Variants in KCNIP4 observed in about 807,000 individuals in gnomAD.
KCNIP4 encodes potassium voltage-gated channel interacting protein 4, also known as Kv channel-interacting protein 4.
A neutral mutation model predicts 34.0 loss-of-function variants in KCNIP4; 12 were observed. That is an observed-to-expected ratio of 0.35 (90% CI 0.23 to 0.57). The LOEUF (loss-of-function observed/expected upper bound fraction) is 0.57. Among genes scored for constraint, KCNIP4 ranks in the 20% least tolerant of loss-of-function variants. The pLI, the probability that KCNIP4 is intolerant of heterozygous loss-of-function variation, is 0.83. For missense variants in KCNIP4, 238 were observed against 311.7 expected (o/e 0.76, Z 1.78); for synonymous variants, 124 against 102.2 (o/e 1.21, Z -1.29).
chr4:21,411,373 G>A (rs1264879956), intron 1 of KCNIP4, among the ~76,000 whole-genome samples: 2 of 152,112 alleles, frequency 1.3e-5, no homozygotes, highest in African/African-American at 4.8e-5. Context: ...TGAAACCCTG[G>A]AATCAATAAT....
chr4:21,489,883 A>G (rs1173730200), intron 1 of KCNIP4, among the ~76,000 whole-genome samples: 2 of 152,274 alleles, frequency 1.3e-5, no homozygotes, highest in African/African-American at 4.8e-5. Flanking sequence ...GAAAAAAAAT[A>G]TGATATCCCA....
chr4:21,879,725 T>C (rs1020656434), intron 1 of KCNIP4, among the ~76,000 whole-genome samples: 6 of 152,176 alleles, frequency 3.9e-5, no homozygotes, highest in African/African-American at 1.4e-4. Context: ...TATTTTTATA[T>C]AATTTGAATA....
intron 1 of KCNIP4, among the ~76,000 whole-genome samples, chr4:21,592,220 T>C (rs1560543095): frequency 6.6e-6 from 1 of 152,080 alleles, no homozygotes; most frequent in Non-Finnish European, 1.5e-5. Context: ...TTTTGTGAAA[T>C]CCTCAGAATG....
At chr4:21,324,560 G>C (rs866673555) in intron 1 of KCNIP4, among the ~76,000 whole-genome samples, 1 of 151,990 alleles carries the variant, frequency 6.6e-6, no homozygotes, top group East Asian at 1.9e-4. Context: ...GTTGAGTGTA[G>C]ATGTAAGAAT....
At chr4:21,456,926 G>A (rs568791964) in intron 1 of KCNIP4, among the ~76,000 whole-genome samples, 7 of 152,050 alleles carry the variant, frequency 4.6e-5, no homozygotes, top group Admixed American at 1.3e-4. Flanking sequence ...TTCACCGCCG[G>A]GTCACCCTGG....
chr4:20,861,653 T>C (rs577464335), intron 2 of KCNIP4, among the ~76,000 whole-genome samples: 4 of 152,258 alleles, frequency 2.6e-5, no homozygotes, highest in South Asian at 2.1e-4. Context: ...TCTTGGAAAA[T>C]GGCCATTTAG....
At chr4:21,545,194 AG>A (rs2109006006) in intron 1 of KCNIP4, among the ~76,000 whole-genome samples, 1 of 152,248 alleles carries the variant, frequency 6.6e-6, no homozygotes, top group South Asian at 2.1e-4. Flanking sequence ...TGACAATGTC[AG>A]GAAGTTACCC....
chr4:21,785,147 C>T (rs1477988186), intron 1 of KCNIP4, among the ~76,000 whole-genome samples: 3 of 152,024 alleles, frequency 2.0e-5, no homozygotes, highest in Non-Finnish European at 4.4e-5. Flanking sequence ...CCTCATCCCC[C>T]GAAATTATTT....
At chr4:21,149,596 G>T (rs941096443) in intron 1 of KCNIP4, among the ~76,000 whole-genome samples, 3 of 152,076 alleles carry the variant, frequency 2.0e-5, no homozygotes, top group Admixed American at 6.6e-5. Flanking sequence ...GACATAAGGC[G>T]AGACCAGAAA....
At chr4:20,769,923 C>A (rs972415004) in intron 3 of KCNIP4, among the ~76,000 whole-genome samples, 4 of 152,152 alleles carry the variant, frequency 2.6e-5, no homozygotes, top group African/African-American at 9.7e-5. Context: ...GTAAAGGACT[C>A]GTGTGATTAG....
intron 1 of KCNIP4, among the ~76,000 whole-genome samples, chr4:21,142,162 A>AG (rs1014624249): frequency 6.6e-6 from 1 of 151,636 alleles, no homozygotes; most frequent in Non-Finnish European, 1.5e-5. Flanking sequence ...AAAAAAAAAA[A>AG]AAAAAAACCC....
At chr4:21,784,242 T>G (rs1164378842) in intron 1 of KCNIP4, among the ~76,000 whole-genome samples, 4 of 152,046 alleles carry the variant, frequency 2.6e-5, no homozygotes, top group Non-Finnish European at 5.9e-5. Flanking sequence ...ATTATTACAA[T>G]TTGAGATGAG....
At chr4:21,389,505 A>T (rs1327151796) in intron 1 of KCNIP4, among the ~76,000 whole-genome samples, 1 of 122,636 alleles carries the variant, frequency 8.2e-6, no homozygotes, top group Non-Finnish European at 1.6e-5. Context: ...TCCTGTGTCC[A>T]AGTGTTCTTA....
intron 1 of KCNIP4, among the ~76,000 whole-genome samples, chr4:21,136,568 C>CT (rs1455252557): frequency 6.6e-6 from 1 of 152,084 alleles, no homozygotes; most frequent in African/African-American, 2.4e-5. Context: ...CAGATGTTTC[C>CT]TGTCCTTTCC....
intron 3 of KCNIP4, among the ~76,000 whole-genome samples, chr4:20,759,461 A>C (rs1022764626): frequency 2.0e-5 from 3 of 152,132 alleles, no homozygotes; most frequent in Non-Finnish European, 4.4e-5. Flanking sequence ...ACTTCCGGAA[A>C]GGAGAGTCTG....
At chr4:20,751,644 A>G (rs1753658963) in intron 4 of KCNIP4, among the ~76,000 whole-genome samples, 1 of 152,192 alleles carries the variant, frequency 6.6e-6, no homozygotes, top group Non-Finnish European at 1.5e-5. Context: ...AGCAAGCAGT[A>G]CTCACCATAA....
chr4:20,761,935 C>T (rs1288426523), intron 3 of KCNIP4, among the ~76,000 whole-genome samples: 3 of 152,102 alleles, frequency 2.0e-5, no homozygotes, highest in Non-Finnish European at 4.4e-5. Context: ...GCCTATTATT[C>T]CAGGAGTCTT....
chr4:21,795,360 G>A (rs73256551), intron 1 of KCNIP4, among the ~76,000 whole-genome samples: 52,408 of 151,852 alleles, frequency 0.35, 10,680 homozygotes, highest in Non-Finnish European at 0.48. Context: ...AAAAACGTCT[G>A]TTGCGTAAGC....
rs192550864 is a variant in KCNIP4 at position 20,782,070 on chromosome 4, A to C, written c.289-23180T>G. Among the ~76,000 whole-genome samples the C allele has an allele frequency of 1.1e-4, 17 of 152,278 alleles. No individual in the cohort carries two copies. In the East Asian group the frequency reaches 3.3e-3, roughly 29 times the overall value. On this transcript the variant is annotated intron_variant, in intron 3 of 8. Transcript: ENST00000382152. ...AGTCCAAAATCCAGCAGGGCAGTCA[A>C]ATTTTAAAGCTCCAAAATGATGTCC...
Sources: allele counts gnomAD v4.1 joint callset (sites outside exome capture counted in the v4.1 genomes callset), GRCh38; gene constraint gnomAD v4.1.1; transcripts MANE v1.5; gene names NCBI Gene and HGNC (gene_info 2026-07-23, HGNC 2026-07-21).